NRCAM: variants seen among roughly 807,000 people sequenced by gnomAD.
The protein encoded by NRCAM is neuronal cell adhesion molecule, also known as NgCAM-related cell adhesion molecule.
NRCAM carries 83 observed loss-of-function variants against 156.5 expected under a neutral mutation model. The ratio of observed to expected loss-of-function variants is 0.53; its 90% CI spans 0.44 to 0.64. The LOEUF is 0.64. Among genes scored for constraint, NRCAM ranks in the 30% least tolerant of loss-of-function variants. NRCAM has a pLI of 0.00. For missense variants in NRCAM, 1,417 were observed against 1,597.3 expected (o/e 0.89, Z 1.92); for synonymous variants, 538 against 563.9 (o/e 0.95, Z 0.65).
At position 108,207,601 on chromosome 7, in the gene NRCAM, C is replaced by A. The variant is rs753317879; in HGVS notation, c.1134G>T (p.Gly378=). The A allele has an allele frequency of 6.2e-7, 1 of 1,613,904 alleles. No individual in the cohort carries two copies. The highest frequency in any genetic ancestry group is 1.3e-5 in the African/African-American group (1 of 75,034). Residue 378 remains glycine, a synonymous_variant, in exon 13 of 33, where the codon GGG becomes GGT. Coordinates refer to ENST00000379028, the MANE Select transcript of NRCAM (RefSeq NM_001037132.4). Reference sequence around the variant, plus strand: ...TGCCATTAGCTCTGCAGATCAAGGTCCCATCCTCTCCTGGGGACAGCACAA... The same window carrying A: ...TGCCATTAGCTCTGCAGATCAAGGTACCATCCTCTCCTGGGGACAGCACAA... ...QNLVLSPGED[G]TLICRANGNP...
At chr7:108,236,707 T>A (rs1259645285) in intron 5 of NRCAM, among the ~76,000 whole-genome samples, 1 of 152,180 alleles carries the variant, frequency 6.6e-6, no homozygotes, top group Non-Finnish European at 1.5e-5. Flanking sequence ...ATTATTATCA[T>A]AATCATTTTT....
intron 2 of NRCAM, among the ~76,000 whole-genome samples, chr7:108,396,566 T>C (rs2099777477): frequency 6.6e-6 from 1 of 152,178 alleles, no homozygotes; most frequent in Non-Finnish European, 1.5e-5. Flanking sequence ...TATTTCAAAA[T>C]AGCTAGAAGA....
intron 3 of NRCAM, among the ~76,000 whole-genome samples, chr7:108,297,695 T>C (rs2098478190): frequency 6.6e-6 from 1 of 151,886 alleles, no homozygotes; most frequent in Non-Finnish European, 1.5e-5. Flanking sequence ...AAACAACAAC[T>C]GCAAATTATA....
intron 2 of NRCAM, among the ~76,000 whole-genome samples, chr7:108,383,784 A>C (rs559551702): frequency 6.6e-6 from 1 of 152,238 alleles, no homozygotes; most frequent in East Asian, 1.9e-4. Context: ...AGAAATAAAA[A>C]CTGGAATTTC....
chr7:108,406,042 A>C (rs980430505), intron 1 of NRCAM, among the ~76,000 whole-genome samples: 2 of 151,932 alleles, frequency 1.3e-5, no homozygotes, highest in Non-Finnish European at 2.9e-5. Flanking sequence ...AGGAATTCAG[A>C]AGTGGAAGGA....
chr7:108,194,406 C>A lies in NRCAM; in HGVS notation c.1486G>T (p.Ala496Ser). The A allele has an allele frequency of 6.2e-7, 1 of 1,607,532 alleles. No individual in the cohort carries two copies. The highest frequency in any genetic ancestry group is 8.5e-7 in the Non-Finnish European group (1 of 1,176,920). ...IEWFKGAKGS[A>S]LHEDIYVLHE... is the part of the protein sequence containing the mutation. ...AAAACATAAATATCTTCATGAAGAG[C>A]ACTTCCTTTAGCTCCTTTAAACCTT... The change falls in exon 16 of 33, where the codon GCT (alanine) becomes TCT (serine). Residue 496 changes from alanine (A) to serine (S), a missense_variant. Transcript: ENST00000379028.
chr7:108,356,801 G>A (rs983407959), intron 2 of NRCAM, among the ~76,000 whole-genome samples: 1 of 152,134 alleles, frequency 6.6e-6, no homozygotes, highest in Admixed American at 6.5e-5. Context: ...CTATAATGAA[G>A]GCATCATTAT....
At chr7:108,212,055 G>T (rs566610541) in intron 11 of NRCAM, among the ~76,000 whole-genome samples, 1 of 152,298 alleles carries the variant, frequency 6.6e-6, no homozygotes, top group African/African-American at 2.4e-5. Context: ...GAGGCCGATG[G>T]TTCACATCAC....
At position 108,150,123 on chromosome 7, in the gene NRCAM, C is replaced by G. The variant is rs1188395291; in HGVS notation, c.3702G>C (p.Leu1234Phe). 1 of 1,611,740 alleles carries G rather than the reference C, an allele frequency of 6.2e-7. No homozygotes were observed. The highest frequency in any genetic ancestry group is 1.7e-5 in the Admixed American group (1 of 59,498). Residue 1234 changes from leucine to phenylalanine, a missense_variant, in exon 33 of 33, where the codon TTG (leucine) becomes TTC (phenylalanine). This residue lies in a region of NRCAM where 179 missense variants were observed against 260.9 expected (regional missense o/e 0.69). Transcript: ENST00000379028. ...EYSDAEDHKP[L>F]KKGSRTPSDR... ...CTGAAGGAGTTCGACTTCCTTTTTT[C>G]AAAGGCTTGTGGTCTTCTGCATCAC...
chr7:108,288,311 G>A (rs973798278), intron 3 of NRCAM, among the ~76,000 whole-genome samples: 8 of 152,114 alleles, frequency 5.3e-5, no homozygotes, highest in Non-Finnish European at 7.4e-5. Context: ...GGGGTGATGC[G>A]TAACATTAAA....
chr7:108,368,008 A>G (rs1595359260), intron 2 of NRCAM, among the ~76,000 whole-genome samples: 1 of 152,242 alleles, frequency 6.6e-6, no homozygotes, highest in South Asian at 2.1e-4. Context: ...CAATATCACC[A>G]TTATGCCTTT....
intron 2 of NRCAM, chr7:108,313,088 AT>A (rs1563220040): frequency 1.3e-5 from 2 of 152,026 alleles, no homozygotes; most frequent in Non-Finnish European, 2.9e-5. Context: ...TATTATTTAA[AT>A]TTTTTTATTT....
At chr7:108,326,042 T>TAG (rs2099065146) in intron 2 of NRCAM, among the ~76,000 whole-genome samples, 1 of 152,202 alleles carries the variant, frequency 6.6e-6, no homozygotes, top group Admixed American at 6.5e-5. Context: ...CTCAGAATGA[T>TAG]GTATCTGAGT....
intron 2 of NRCAM, among the ~76,000 whole-genome samples, chr7:108,367,675 G>A (rs2154335756): frequency 6.6e-6 from 1 of 152,140 alleles, no homozygotes; most frequent in East Asian, 1.9e-4. Flanking sequence ...TTCTATATCT[G>A]AAGGAGAGTC....
chr7:108,372,291 T>A (rs373847489), intron 2 of NRCAM, among the ~76,000 whole-genome samples: 1 of 152,106 alleles, frequency 6.6e-6, no homozygotes, highest in East Asian at 1.9e-4. Flanking sequence ...CTGCATGACA[T>A]TGATTTCATG....
At chr7:108,368,526 A>T (rs1261050353) in intron 2 of NRCAM, among the ~76,000 whole-genome samples, 1 of 152,152 alleles carries the variant, frequency 6.6e-6, no homozygotes, top group Non-Finnish European at 1.5e-5. Context: ...TACAGATTAC[A>T]TTTATGTGTA....
chr7:108,371,651 G>A (rs2099629473), intron 2 of NRCAM, among the ~76,000 whole-genome samples: 1 of 152,120 alleles, frequency 6.6e-6, no homozygotes, highest in Admixed American at 6.6e-5. Flanking sequence ...TGCCACTGTG[G>A]ATATACAGAT....
chr7:108,221,962 C>T (rs1266214532), intron 11 of NRCAM, among the ~76,000 whole-genome samples: 3 of 146,754 alleles, frequency 2.0e-5, no homozygotes, highest in African/African-American at 7.5e-5. Flanking sequence ...AAAAGAAATG[C>T]AAGTGGTATT....
At chr7:108,225,985 T>A (rs2093378671) in intron 9 of NRCAM, among the ~76,000 whole-genome samples, 2 of 152,192 alleles carry the variant, frequency 1.3e-5, no homozygotes, top group Admixed American at 6.6e-5. Flanking sequence ...CAGAAGGTTA[T>A]CATGGAACCA....
Sources: gnomAD v4.1 joint callset for allele counts (sites outside exome capture counted in the v4.1 genomes callset) on GRCh38, gnomAD v4.1.1 for gene constraint, gnomAD v4.1.1 regional missense constraint, MANE v1.5 for transcripts, NCBI Gene and HGNC (gene_info 2026-07-23, HGNC 2026-07-21) for gene names.